Variants in FSIP2 observed in about 807,000 individuals in gnomAD.
FSIP2 encodes fibrous sheath-interacting protein 2.
A neutral mutation model predicts 510.5 loss-of-function variants in FSIP2; 367 were observed. The ratio of observed to expected loss-of-function variants is 0.72; its 90% CI spans 0.66 to 0.78. The LOEUF (loss-of-function observed/expected upper bound fraction) is 0.78, where lower values mean the gene tolerates loss of function less well. Ranked by LOEUF, FSIP2 falls within the 30% of genes least tolerant of loss-of-function variation. The pLI, the probability that FSIP2 is intolerant of heterozygous loss-of-function variation, is 0.00. For missense variants in FSIP2, 7,594 were observed against 7,901.7 expected, an observed-to-expected ratio of 0.96 and a Z score of 1.48; for synonymous variants, 2,601 against 2,732.2, an observed-to-expected ratio of 0.95 and a Z score of 1.50.
intron 13 of FSIP2, chr2:185,765,523 A>G (rs1487655589): frequency 6.6e-6 from 1 of 152,066 alleles, no homozygotes; most frequent in East Asian, 1.9e-4. Flanking sequence ...TGGTACCAGT[A>G]CCATGCTGTT....
At position 185,800,019 on chromosome 2, in the gene FSIP2, T is replaced by G; in HGVS notation, c.10713T>G (p.Asn3571Lys). ...TCATTATTAAAATTCTTTTTAATAA[T>G]AAAATTATACAGGCTGACATTGCAC... ...SEIIIKILFN[N>K]KIIQADIAQK... Residue 3571 changes from asparagine (N) to lysine (K), a missense_variant, in exon 17 of 23, where the codon AAT becomes AAG. Coordinates refer to ENST00000424728, the MANE Select transcript of FSIP2 (RefSeq NM_173651.4). 1 of 1,519,508 alleles carries G rather than the reference T, an allele frequency of 6.6e-7. No individual in the cohort carries two copies. Among genetic ancestry groups the G allele is most frequent in the Non-Finnish European group, 8.8e-7 (1 of 1,137,086 alleles). The allele number at this position is 1,519,508 out of a possible 1,614,324, so 94.1% of individuals were successfully genotyped here. A position where few individuals can be genotyped will look rare whatever the true frequency, so the allele number is the denominator to read the frequency against.
rs1694141947 is a variant in FSIP2 at position 185,833,282 on chromosome 2, T to C, written c.*56T>C. On this transcript the variant is annotated 3_prime_UTR_variant, in exon 23 of 23. Coordinates refer to ENST00000424728, the MANE Select transcript of FSIP2 (RefSeq NM_173651.4). ...TTCTTTTAGAAAATAAAATGGTTTT[T>C]AAAGCATAGTATAGCGTCTTATAAG... 4 of 1,422,264 alleles carry C rather than the reference T, an allele frequency of 2.8e-6. No homozygotes were observed. Among genetic ancestry groups the C allele is most frequent in the Non-Finnish European group, 3.9e-6 (4 of 1,034,286 alleles). 88.1% of individuals were successfully genotyped at this position (1,422,264 alleles called of 1,614,324 possible).
intron 15 of FSIP2, among the ~76,000 whole-genome samples, chr2:185,787,843 G>A (rs1281768518): frequency 1.3e-5 from 2 of 151,444 alleles, no homozygotes; most frequent in Non-Finnish European, 3.0e-5. Flanking sequence ...CCCAAATCTA[G>A]CTTGGCTTTT....
At chr2:185,788,486 A>G (rs1208145005) in intron 15 of FSIP2, among the ~76,000 whole-genome samples, 157 bp from the exon 16 acceptor site, 3 of 151,756 alleles carry the variant, frequency 2.0e-5, no homozygotes, top group Non-Finnish European at 3.0e-5. Context: ...TAAATTCTAA[A>G]TTTCTAAACT....
Position 185,804,164 on chromosome 2 carries a change from T to C in FSIP2, c.14858T>C (p.Ile4953Thr), listed in dbSNP as rs1222872069. The change falls in exon 17 of 23, where the codon ATT becomes ACT. Residue 4953 changes from isoleucine to threonine, a missense_variant. By Grantham distance (89) the Ile-to-Thr change is moderately conservative (BLOSUM62 -1). Transcript: ENST00000424728. ...VNSSVFLEEV[I>T]SELLCKILYA... is the part of the protein sequence containing the mutation. The stretch of plus-strand genomic sequence containing the variant: ...TCATCTGTCTTTTTGGAGGAAGTAA[T>C]TTCTGAGCTCTTATGCAAAATTCTT... The C allele has an allele frequency of 8.6e-6, 13 of 1,510,932 alleles. No homozygotes were observed. The highest frequency in any genetic ancestry group is 1.1e-5 in the Non-Finnish European group (13 of 1,135,832). The allele number at this position is 1,510,932 out of a possible 1,614,324, so 93.6% of individuals were successfully genotyped here.
At chr2:185,751,697 C>T (rs928005822) in intron 7 of FSIP2, among the ~76,000 whole-genome samples, 2 of 150,930 alleles carry the variant, frequency 1.3e-5, no homozygotes, top group African/African-American at 4.8e-5. Context: ...TTAATGATCC[C>T]TTTGTATCTA....
chr2:185,795,727 A>G lies in FSIP2; in HGVS notation c.8591A>G (p.Asn2864Ser). ...EKCKLLMIAE[N>S]VLTEISIKAK... Reference sequence around the variant, plus strand: ...TGTAAGCTATTGATGATAGCTGAAAATGTTTTGACTGAAATTTCAATAAAA... The same window carrying G: ...TGTAAGCTATTGATGATAGCTGAAAGTGTTTTGACTGAAATTTCAATAAAA... The change falls in exon 16 of 23, where the codon AAT (asparagine) becomes AGT (serine). Residue 2864 changes from asparagine (N) to serine (S), a missense_variant. Asn to Ser is a conservative substitution (Grantham distance 46). Coordinates refer to ENST00000424728, the MANE Select transcript of FSIP2 (RefSeq NM_173651.4). 2.0e-6 allele frequency: 3 copies of G among 1,532,410 alleles called. No homozygotes were observed. Among genetic ancestry groups the G allele is most frequent in the African/African-American group, 1.4e-5 (1 of 72,902 alleles). 94.9% of individuals were successfully genotyped at this position (1,532,410 alleles called of 1,614,324 possible). A position where few individuals can be genotyped will look rare whatever the true frequency, so the allele number is the denominator to read the frequency against.
intron 3 of FSIP2, among the ~76,000 whole-genome samples, chr2:185,743,817 A>T (rs1691972960): frequency 6.6e-6 from 1 of 152,176 alleles, no homozygotes; most frequent in African/African-American, 2.4e-5. Flanking sequence ...TTATGATATA[A>T]GTAATATTAA....
At chr2:185,763,823 G>A (rs530313441) in intron 12 of FSIP2, among the ~76,000 whole-genome samples, 2 of 151,618 alleles carry the variant, frequency 1.3e-5, no homozygotes, top group South Asian at 2.1e-4. Context: ...AGAGTAGAAA[G>A]TGGCATCATT....
In FSIP2 at chr2:185,797,346, C is replaced by G; in HGVS notation, c.10210C>G (p.Arg3404Gly). Residue 3404 changes from arginine (R) to glycine (G), a missense_variant, in exon 16 of 23, where the codon CGG becomes GGG. Arg to Gly is a moderately radical substitution (Grantham distance 125, BLOSUM62 -2). Transcript: ENST00000424728. The stretch of plus-strand genomic sequence containing the variant: ...AGAAAATGAAAACCTTGAAGCCAGC[C>G]GGGAAGATTCTTCTTTTTTGCAAAA... Reference protein sequence around the residue: ...EEENENLEASREDSSFLQKLK... With the variant: ...EEENENLEASGEDSSFLQKLK... The G allele has an allele frequency of 1.3e-6, 2 of 1,527,394 alleles. No individual in the cohort carries two copies. Among genetic ancestry groups the G allele is most frequent in the South Asian group, 2.4e-5 (2 of 81,882 alleles). 94.6% of individuals were successfully genotyped at this position (1,527,394 alleles called of 1,614,324 possible). A position where few individuals can be genotyped will look rare whatever the true frequency, so the allele number is the denominator to read the frequency against.
rs1291231397 is a variant in FSIP2, at chr2:185,793,204, A to C, written c.6068A>C (p.Glu2023Ala). Residue 2023 changes from glutamate (E) to alanine (A), a missense_variant, in exon 16 of 23, where the codon GAA (glutamate) becomes GCA (alanine). Physicochemically the swap from Glu to Ala is moderately radical, Grantham distance 107. Coordinates refer to ENST00000424728, the MANE Select transcript of FSIP2 (RefSeq NM_173651.4). ...GIKQELDKER[E>A]NPFLTHDIGI... ...AAACAGGAATTAGATAAAGAAAGGG[A>C]AAATCCTTTTTTAACTCATGACATT... The C allele has an allele frequency of 2.1e-5, 32 of 1,533,778 alleles. No individual in the cohort carries two copies. The highest frequency in any genetic ancestry group is 2.8e-5 in the Non-Finnish European group (32 of 1,145,468).
At chr2:185,762,148 T>A in intron 11 of FSIP2, 131 bp downstream of exon 11, 2 of 504,222 alleles carry the variant, frequency 4.0e-6, no homozygotes, top group South Asian at 3.2e-5. Flanking sequence ...TGATATAAAT[T>A]TTTTATGAAT....
chr2:185,748,390 C>T (rs1692078733), intron 7 of FSIP2, among the ~76,000 whole-genome samples: 2 of 151,746 alleles, frequency 1.3e-5, no homozygotes, highest in Non-Finnish European at 2.9e-5. Context: ...GATTCTCCCA[C>T]CTTGTCCTCC....
chr2:185,766,450 T>A (rs1692482894), intron 13 of FSIP2: 1 of 147,726 alleles, frequency 6.8e-6, no homozygotes, highest in Admixed American at 6.8e-5. Flanking sequence ...GAATCTACAA[T>A]GAACTCAAAC....
chr2:185,779,695 T>C (rs1692801896), intron 13 of FSIP2, among the ~76,000 whole-genome samples: 1 of 152,188 alleles, frequency 6.6e-6, no homozygotes, highest in Admixed American at 6.5e-5. Context: ...ATACAGATTT[T>C]ATTTATATTT....
chr2:185,749,824 G>A (rs1692107678), intron 7 of FSIP2, among the ~76,000 whole-genome samples: 1 of 151,790 alleles, frequency 6.6e-6, no homozygotes, highest in Non-Finnish European at 1.5e-5. Context: ...TCATTGGGAT[G>A]AGGAAATTTT....
At chr2:185,816,266 A>G (rs1693824631) in intron 19 of FSIP2, among the ~76,000 whole-genome samples, 1 of 150,004 alleles carries the variant, frequency 6.7e-6, no homozygotes, top group Non-Finnish European at 1.5e-5. Flanking sequence ...ATTTTGGGAT[A>G]TCTGTTTTTG....
Position 185,793,127 on chromosome 2 carries a change from T to C in FSIP2, c.5991T>C (p.Ser1997=), listed in dbSNP as rs1417923770. Residue 1997 remains serine, a synonymous_variant, in exon 16 of 23, where the codon TCT becomes TCC. Coordinates refer to ENST00000424728, the MANE Select transcript of FSIP2 (RefSeq NM_173651.4). ...GKTNLCQLSL[S]KLNTYALQVA... is the part of the protein sequence containing the mutation. Reference sequence around the variant, plus strand: ...CCAACTTGTGCCAACTGTCTTTGTCTAAATTAAATACTTATGCACTACAAG... The same window carrying C: ...CCAACTTGTGCCAACTGTCTTTGTCCAAATTAAATACTTATGCACTACAAG... The C allele has an allele frequency of 7.8e-6, 12 of 1,534,250 alleles. No homozygotes were observed. The highest frequency in any genetic ancestry group is 1.0e-5 in the Non-Finnish European group (12 of 1,145,684).
Position 185,795,029 on chromosome 2 carries a change from CTT to C in FSIP2, c.7894_7895del (p.Leu2632AsnfsTer7), listed in dbSNP as rs1254531613. On this transcript the variant is annotated frameshift_variant, in exon 16 of 23. Transcript: ENST00000424728. LOFTEE classifies it high-confidence loss of function. ...ATTTACCATTGCAAGTGAAGAAAGA[CTT>C]AATTCAAATGGTTCTCAATAAGATC... The part of the protein sequence containing the change: ...PYLPLQVKKD[L>X]IQMVLNKITN... 1.0e-5 allele frequency: 16 copies of C among 1,534,010 alleles called. No homozygotes were observed. Among genetic ancestry groups the C allele is most frequent in the Non-Finnish European group, 1.4e-5 (16 of 1,145,868 alleles).
Sources: allele counts gnomAD v4.1 joint callset (sites outside exome capture counted in the v4.1 genomes callset), GRCh38; gene constraint gnomAD v4.1.1; transcripts MANE v1.5; gene names NCBI Gene and HGNC (gene_info 2026-07-23, HGNC 2026-07-21).